Variants in SYCE2 observed in about 807,000 individuals in gnomAD.
The protein encoded by SYCE2 is synaptonemal complex central element protein 2.
Under a neutral mutation model 27.9 loss-of-function variants are expected in SYCE2, and 3 were observed. The ratio of observed to expected loss-of-function variants is 0.11; its 90% confidence interval spans 0.05 to 0.28. The LOEUF is 0.28. Ranked by LOEUF, SYCE2 falls within the 10% of genes least tolerant of loss-of-function variation. The pLI, the probability that SYCE2 is intolerant of heterozygous loss-of-function variation, is 1.00. For synonymous variants in SYCE2, 85 were observed against 100.7 expected (o/e 0.84, Z 0.93); for missense variants, 207 against 263.5 (o/e 0.79, Z 1.48).
intron 2 of SYCE2, chr19:12,914,304 A>G (rs563700516): frequency 6.6e-5 from 10 of 152,284 alleles, no homozygotes; most frequent in Middle Eastern, 3.4e-3. Flanking sequence ...GTGTTTGCCA[A>G]TTTCCGTGGT....
chr19:12,910,420 C>A, intron 2 of SYCE2, among the ~76,000 whole-genome samples: 1 of 151,678 alleles, frequency 6.6e-6, no homozygotes, highest in East Asian at 1.9e-4. Context: ...GAGTGTCGCT[C>A]AGGCTGGAGT....
intron 2 of SYCE2, among the ~76,000 whole-genome samples, chr19:12,908,793 G>A (rs1970988837): frequency 1.3e-5 from 2 of 152,128 alleles, no homozygotes; most frequent in Admixed American, 1.3e-4. Flanking sequence ...CAGCACTGCT[G>A]ACCACCCTTC....
intron 2 of SYCE2, among the ~76,000 whole-genome samples, chr19:12,908,371 C>T (rs1460040072): frequency 4.7e-5 from 7 of 149,168 alleles, no homozygotes. Context: ...GTCACCGAGG[C>T]TGGAGTGCAC....
chr19:12,905,084 G>C (rs1292916699), intron 2 of SYCE2, among the ~76,000 whole-genome samples: 4 of 151,918 alleles, frequency 2.6e-5, no homozygotes, highest in Non-Finnish European at 5.9e-5. Context: ...CAGGTGGGAG[G>C]GGACCCGCGT....
intron 2 of SYCE2, among the ~76,000 whole-genome samples, chr19:12,907,871 C>T (rs904338114): frequency 1.3e-5 from 2 of 152,038 alleles, no homozygotes; most frequent in Non-Finnish European, 1.5e-5. Context: ...ACCAGCACTT[C>T]GGGGGGCTAA....
chr19:12,910,968 C>T (rs1971036573), intron 2 of SYCE2, among the ~76,000 whole-genome samples: 1 of 151,980 alleles, frequency 6.6e-6, no homozygotes, highest in South Asian at 2.1e-4. Context: ...TGAGCCACCG[C>T]ACCCGGCCTG....
chr19:12,918,418 G>A, intron 1 of SYCE2, 81 bp from the exon 2 acceptor site: 1 of 1,320,728 alleles, frequency 7.6e-7, no homozygotes, highest in Non-Finnish European at 1.1e-6. Flanking sequence ...CTTCAACCCT[G>A]GTCACCTCGA....
chr19:12,902,422 G>A (rs1211772945), intron 3 of SYCE2, among the ~76,000 whole-genome samples: 1 of 152,116 alleles, frequency 6.6e-6, no homozygotes, highest in Non-Finnish European at 1.5e-5. Context: ...AGGGTGAGGA[G>A]TTCAAGACCA....
At chr19:12,911,840 A>G (rs1203977470) in intron 2 of SYCE2, among the ~76,000 whole-genome samples, 3 of 149,064 alleles carry the variant, frequency 2.0e-5, no homozygotes, top group African/African-American at 7.4e-5. Context: ...CTGGTCTTGA[A>G]CTCCTGACCT....
chr19:12,911,608 T>C (rs1352805451), intron 2 of SYCE2, among the ~76,000 whole-genome samples: 1 of 135,722 alleles, frequency 7.4e-6, no homozygotes, highest in African/African-American at 2.7e-5. Context: ...GCCTGGATAA[T>C]TTTTGCCTTT....
Position 12,904,616 on chromosome 19 carries a change from GAGA to G in SYCE2, c.179_181del (p.Phe60del), listed in dbSNP as rs779018420. On this transcript the variant is annotated inframe_deletion, in exon 3 of 6. Transcript: ENST00000293695. ...GATGTCAATGCTTGAGTCCAGAGAG[GAGA>G]AGTAGAGTCCCGACTTCCCTTCCAG... 70 of 1,614,012 alleles carry G rather than the reference GAGA, an allele frequency of 4.3e-5. 1 individual carries two copies. The East Asian group carries it at 1.3e-3, about 29-fold the overall frequency.
chr19:12,911,614 C>CAT (rs1568437728), intron 2 of SYCE2, among the ~76,000 whole-genome samples: 1 of 75,340 alleles, frequency 1.3e-5, no homozygotes, highest in Non-Finnish European at 2.8e-5. Context: ...ATAATTTTTG[C>CAT]CTTTTTTTTT....
At chr19:12,905,091 G>A (rs774744671) in intron 2 of SYCE2, among the ~76,000 whole-genome samples, 6 of 151,968 alleles carry the variant, frequency 3.9e-5, no homozygotes, top group Admixed American at 1.3e-4. Flanking sequence ...GAGGGGACCC[G>A]CGTTGTTGCC....
At position 12,904,505 on chromosome 19, in the gene SYCE2, C is replaced by T; in HGVS notation, c.293G>A (p.Ser98Asn). ...GGAGTCTGTCACCTTGGTCTTCAGG[C>T]TGTTCCTGAAGTTGGTCATGAGTGC... ...DHALMTNFRN[S>N]LKTKVSDLTE... The change falls in exon 3 of 6, where the codon AGC becomes AAC. Residue 98 changes from serine (S) to asparagine (N), a missense_variant. Transcript: ENST00000293695. 1 of 1,614,118 alleles carries T rather than the reference C, an allele frequency of 6.2e-7. No homozygotes were observed. The highest frequency in any genetic ancestry group is 8.5e-7 in the Non-Finnish European group (1 of 1,180,002).
intron 2 of SYCE2, among the ~76,000 whole-genome samples, chr19:12,910,533 C>G (rs1250248242): frequency 1.3e-5 from 2 of 150,450 alleles, no homozygotes; most frequent in Admixed American, 1.3e-4. Flanking sequence ...CCACCACGCC[C>G]GGCTAATTTT....
chr19:12,908,797 A>G (rs1970988885), intron 2 of SYCE2, among the ~76,000 whole-genome samples: 1 of 151,952 alleles, frequency 6.6e-6, no homozygotes, highest in Non-Finnish European at 1.5e-5. Context: ...ACTGCTGACC[A>G]CCCTTCCCTG....
intron 1 of SYCE2, 140 bp from the exon 2 acceptor site, chr19:12,918,477 G>A (rs764416749): frequency 1.9e-5 from 14 of 737,554 alleles, no homozygotes; most frequent in Non-Finnish European, 2.7e-5. Flanking sequence ...GGGCAGGGCT[G>A]GGGCAGGTGC....
In SYCE2 at chr19:12,910,919, C is replaced by T. The variant is rs554427068; in HGVS notation, c.132-6253G>A. ...GTCTCAATCTGCTGACCTCATGATC[C>T]GCCCGTCTCGGCCTCCCAAAGTGCT... On this transcript the variant is annotated intron_variant, in intron 2 of 5. Coordinates refer to ENST00000293695, the MANE Select transcript of SYCE2 (RefSeq NM_001105578.2). 5.3e-5 allele frequency among the ~76,000 whole-genome samples: 8 copies of T among 152,070 alleles called. No individual in the cohort carries two copies. In the East Asian group the frequency reaches 7.7e-4, roughly 15 times the overall value.
intron 2 of SYCE2, chr19:12,906,051 G>T (rs534369752): frequency 3.3e-5 from 5 of 151,748 alleles, no homozygotes; most frequent in African/African-American, 9.7e-5. Context: ...TAGAGACAGG[G>T]TTTCACCATA....
Sources: gnomAD v4.1 joint callset for allele counts (sites outside exome capture counted in the v4.1 genomes callset) on GRCh38, gnomAD v4.1.1 for gene constraint, MANE v1.5 for transcripts, NCBI Gene and HGNC (gene_info 2026-07-23, HGNC 2026-07-21) for gene names.